UBE2O: variants seen among roughly 807,000 people sequenced by gnomAD.
The protein encoded by UBE2O is (E3-independent) E2 ubiquitin-conjugating enzyme.
Under a neutral mutation model 125.8 loss-of-function variants are expected in UBE2O, and 15 were observed. That is an observed-to-expected ratio of 0.12 (90% CI 0.08 to 0.18). UBE2O has a LOEUF of 0.18. Among genes scored for constraint, UBE2O ranks in the 10% least tolerant of loss-of-function variants. UBE2O has a pLI of 1.00. For missense variants in UBE2O, 1,280 were observed against 1,723.6 expected, an observed-to-expected ratio of 0.74 and a Z score of 4.56; for synonymous variants, 708 against 703.2, an observed-to-expected ratio of 1.01 and a Z score of -0.11.
Position 76,447,946 on chromosome 17 carries a change from T to A in UBE2O, c.417+4779A>T, listed in dbSNP as rs560360509. On this transcript the variant is annotated intron_variant, in intron 1 of 17. Coordinates refer to ENST00000319380, the MANE Select transcript of UBE2O (RefSeq NM_022066.4). Reference sequence around the variant, plus strand: ...CCTAGGCTTGACCCAGCTACACTTCTGGTTATTCCATCCGAGCAGGATCAT... The same window carrying A: ...CCTAGGCTTGACCCAGCTACACTTCAGGTTATTCCATCCGAGCAGGATCAT... Among the ~76,000 whole-genome samples the A allele has an allele frequency of 2.0e-5, 3 of 152,222 alleles. No homozygotes were observed. In the South Asian group the frequency reaches 6.2e-4, roughly 32 times the overall value.
At chr17:76,432,256 C>T (rs766686733) in intron 1 of UBE2O, among the ~76,000 whole-genome samples, 3 of 152,092 alleles carry the variant, frequency 2.0e-5, no homozygotes, top group Non-Finnish European at 4.4e-5. Context: ...CAAACTGCTA[C>T]GGAAAGGACT....
rs2072249998 is a variant in UBE2O at position 76,398,173 on chromosome 17, GCCAC to G, written c.2025+78_2025+81del. Reference sequence around the variant, plus strand: ...GGACTTTCAGGTCTTGTCTCCTAGAGCCACCTGGTGGCAGCATCAGGGACTGCAG... The same window carrying G: ...GGACTTTCAGGTCTTGTCTCCTAGAGCTGGTGGCAGCATCAGGGACTGCAG... On this transcript the variant is annotated intron_variant, in intron 12 of 17. Transcript: ENST00000319380. This position sits in a 1 kb window ranked among gnomAD's most constrained non-coding sequence, Gnocchi z 5.4. The G allele has an allele frequency of 1.3e-6, 2 of 1,590,664 alleles. No individual in the cohort carries two copies. The highest frequency in any genetic ancestry group is 3.4e-5 in the Admixed American group (2 of 59,472).
intron 1 of UBE2O, among the ~76,000 whole-genome samples, chr17:76,417,602 G>A (rs1188573457): frequency 6.6e-6 from 1 of 152,202 alleles, no homozygotes; most frequent in Non-Finnish European, 1.5e-5. Context: ...GACATGGATG[G>A]AGGCCAAATG....
At chr17:76,419,369 A>G (rs2072670983) in intron 1 of UBE2O, among the ~76,000 whole-genome samples, 1 of 152,176 alleles carries the variant, frequency 6.6e-6, no homozygotes, top group Non-Finnish European at 1.5e-5. Flanking sequence ...TTTAATTAAA[A>G]AAAGTTTTTA....
Position 76,399,739 on chromosome 17 carries a change from C to T in UBE2O, c.1338G>A (p.Gln446=). The T allele has an allele frequency of 1.2e-6, 2 of 1,614,232 alleles. No homozygotes were observed. The highest frequency in any genetic ancestry group is 1.7e-6 in the Non-Finnish European group (2 of 1,180,046). Reference sequence around the variant, plus strand: ...CGTGGGGCTCCTCTGCACCCTCGTCCTGCATCTCCACTGGACTGGCAGAGC... The same window carrying T: ...CGTGGGGCTCCTCTGCACCCTCGTCTTGCATCTCCACTGGACTGGCAGAGC... ...PDGSASPVEM[Q]DEGAEEPHEA... Residue 446 remains glutamine (Q), a synonymous_variant, in exon 9 of 18, where the codon CAG becomes CAA. Transcript: ENST00000319380. The surrounding 1 kb of genome is among the most constrained non-coding windows in gnomAD (Gnocchi z 6.9).
chr17:76,418,465 G>C (rs2143792747), intron 1 of UBE2O, among the ~76,000 whole-genome samples: 1 of 152,308 alleles, frequency 6.6e-6, no homozygotes, highest in South Asian at 2.1e-4. Flanking sequence ...GAAGCCAACA[G>C]TTGGAGGAAG....
Position 76,401,041 on chromosome 17 carries a change from G to C in UBE2O, c.864C>G (p.Thr288=), listed in dbSNP as rs774084349. The change falls in exon 6 of 18, where the codon ACC becomes ACG. Residue 288 remains threonine (T), a synonymous_variant. Transcript: ENST00000319380. ...WLSGVKPVLS[T]KSKFRVVVEE... Reference sequence around the variant, plus strand: ...CCACCACCACTCGGAACTTGCTCTTGGTGCTGAGCACGGGCTTGACACCTG... The same window carrying C: ...CCACCACCACTCGGAACTTGCTCTTCGTGCTGAGCACGGGCTTGACACCTG... The C allele has an allele frequency of 6.2e-7, 1 of 1,613,906 alleles. No individual in the cohort carries two copies.
At chr17:76,406,264 A>G (rs1056881295) in intron 1 of UBE2O, among the ~76,000 whole-genome samples, 1 of 152,188 alleles carries the variant, frequency 6.6e-6, no homozygotes, top group Non-Finnish European at 1.5e-5. Flanking sequence ...ATCGCCCAAA[A>G]GCCCAGGCAC....
chr17:76,419,283 CAAAAAAAAA>C (rs35062714), intron 1 of UBE2O, among the ~76,000 whole-genome samples: 1 of 63,286 alleles, frequency 1.6e-5, no homozygotes, highest in African/African-American at 6.5e-5. Flanking sequence ...GACCCTATCT[CAAAAAAAAA>C]AAAAAAAAAA....
At position 76,391,342 on chromosome 17, in the gene UBE2O, G is replaced by A. The variant is rs151029911; in HGVS notation, c.3480C>T (p.Asn1160=). The A allele has an allele frequency of 7.6e-3, 12,263 of 1,613,136 alleles. 71 individuals are homozygous for A. The highest frequency in any genetic ancestry group is 9.2e-3 in the Non-Finnish European group (10,889 of 1,180,020). The stretch of plus-strand genomic sequence containing the variant: ...GCGAGCTGCTGGCCTTGGGCACCCC[G>A]TTGGGCAGTGCCTGGGCCTTCTCCA... ...ALLEKAQALP[N]GVPKASSSPE... Residue 1160 remains asparagine (N), a synonymous_variant, in exon 18 of 18, where the codon AAC becomes AAT. Transcript: ENST00000319380. This position sits in a 1 kb window ranked among gnomAD's most constrained non-coding sequence, Gnocchi z 8.4.
intron 1 of UBE2O, among the ~76,000 whole-genome samples, chr17:76,433,359 T>G (rs1288683005): frequency 1.4e-5 from 2 of 147,488 alleles, no homozygotes; most frequent in Admixed American, 1.4e-4. Context: ...CTAGTATGCT[T>G]CCATTTATAT....
At position 76,396,079 on chromosome 17, in the gene UBE2O, A is replaced by G; in HGVS notation, c.2809+49T>C. On this transcript the variant is annotated intron_variant, in intron 14 of 17. Transcript: ENST00000319380. The surrounding 1 kb of genome is among the most constrained non-coding windows in gnomAD (Gnocchi z 6.7). ...ACCCAGATCTGGTGACACAAACAGG[A>G]GCCCCGAGAAGGCGGGGGAAGGCGA... 1 of 1,582,638 alleles carries G rather than the reference A, an allele frequency of 6.3e-7. No homozygotes were observed.
At chr17:76,394,436 G>A (rs2072169622) in intron 15 of UBE2O, among the ~76,000 whole-genome samples, 1 of 152,212 alleles carries the variant, frequency 6.6e-6, no homozygotes, top group Non-Finnish European at 1.5e-5. Flanking sequence ...GAACAGAGGA[G>A]TGGGAAAATG....
intron 1 of UBE2O, among the ~76,000 whole-genome samples, chr17:76,446,595 T>C (rs61619670): frequency 0.019 from 2,824 of 152,194 alleles, 93 homozygotes; most frequent in African/African-American, 0.064. Context: ...GAAACTGAAA[T>C]TGAGGTGGAA....
Position 76,400,033 on chromosome 17 carries a change from G to A in UBE2O, c.1156-112C>T, listed in dbSNP as rs2072290611. 5.9e-6 allele frequency: 9 copies of A among 1,525,478 alleles called. No homozygotes were observed. The South Asian group carries it at 1.2e-4, about 19-fold the overall frequency. The allele number at this position is 1,525,478 out of a possible 1,614,324, so 94.5% of individuals were successfully genotyped here. A position where few individuals can be genotyped will look rare whatever the true frequency, so the allele number is the denominator to read the frequency against. On this transcript the variant is annotated intron_variant, in intron 8 of 17. Transcript: ENST00000319380. This position sits in a 1 kb window ranked among gnomAD's most constrained non-coding sequence, Gnocchi z 4.3. ...CTGTATACACCTGAGTAGCCGGCAA[G>A]GGTCATCAGGGCTGCCCCCCAAGGC...
chr17:76,444,135 C>A (rs570988532), intron 1 of UBE2O, among the ~76,000 whole-genome samples: 2 of 152,070 alleles, frequency 1.3e-5, no homozygotes, highest in African/African-American at 2.4e-5. Context: ...GCAGGAGAAT[C>A]GCTAGAACCC....
rs1262584248 is a variant in UBE2O, at chr17:76,392,027, G to A, written c.3033C>T (p.Ile1011=). Residue 1011 remains isoleucine (I), a synonymous_variant, in exon 16 of 18, where the codon ATC becomes ATT. Coordinates refer to ENST00000319380, the MANE Select transcript of UBE2O (RefSeq NM_022066.4). ...AGAAGTGGGGGGGCACGGCTGGGTA[G>A]ATGTTGGGGAGCTGGATGTCAAACA... ...LYLFDIQLPN[I]YPAVPPHFCY... is the part of the protein sequence containing the mutation. The A allele has an allele frequency of 1.3e-6, 2 of 1,543,962 alleles. No homozygotes were observed. Among genetic ancestry groups the A allele is most frequent in the Non-Finnish European group, 1.8e-6 (2 of 1,141,846 alleles).
intron 1 of UBE2O, among the ~76,000 whole-genome samples, chr17:76,422,272 C>A (rs2072724174): frequency 6.6e-6 from 1 of 152,170 alleles, no homozygotes; most frequent in Non-Finnish European, 1.5e-5. Context: ...CCTAAATGAA[C>A]AACACGGGGA....
chr17:76,411,165 C>T (rs890264681), intron 1 of UBE2O, among the ~76,000 whole-genome samples: 1 of 152,132 alleles, frequency 6.6e-6, no homozygotes, highest in African/African-American at 2.4e-5. Flanking sequence ...GCGTACGCCA[C>T]CATGCTTGGC....
Sources: gnomAD v4.1 joint callset for allele counts (sites outside exome capture counted in the v4.1 genomes callset) on GRCh38, gnomAD v4.1.1 for gene constraint, Gnocchi (gnomAD v3.1) non-coding constraint, MANE v1.5 for transcripts, NCBI Gene and HGNC (gene_info 2026-07-23, HGNC 2026-07-21) for gene names.